SGCZ: variants seen among roughly 807,000 people sequenced by gnomAD.
SGCZ encodes the protein sarcoglycan zeta, also known as zeta-sarcoglycan.
SGCZ carries 40 observed loss-of-function variants against 41.3 expected under a neutral mutation model. The observed-to-expected ratio is 0.97, with a 90% CI of 0.75 to 1.26. SGCZ has a LOEUF of 1.26. Ranked by LOEUF, SGCZ falls within the 50% of genes most tolerant of loss-of-function variation. SGCZ has a pLI of 0.00. For missense variants in SGCZ, 552 were observed against 369.8 expected, an observed-to-expected ratio of 1.49 and a Z score of -4.04; for synonymous variants, 206 against 137.5, an observed-to-expected ratio of 1.50 and a Z score of -3.49.
intron 7 of SGCZ, among the ~76,000 whole-genome samples, chr8:14,093,565 C>T (rs1306199782): frequency 6.6e-6 from 1 of 152,058 alleles, no homozygotes; most frequent in Non-Finnish European, 1.5e-5. Flanking sequence ...AAATACTTTT[C>T]TCCAGAGATT....
intron 1 of SGCZ, among the ~76,000 whole-genome samples, chr8:14,993,900 T>C (rs955287790): frequency 4.6e-5 from 7 of 152,172 alleles, no homozygotes; most frequent in Admixed American, 2.0e-4. Context: ...CATATGACTT[T>C]GCTTAGATTT....
chr8:15,056,460 C>A (rs2131002482), intron 1 of SGCZ, among the ~76,000 whole-genome samples: 1 of 150,502 alleles, frequency 6.6e-6, no homozygotes, highest in South Asian at 2.1e-4. Flanking sequence ...GTAAGTTGAA[C>A]AAAAAACTCA....
intron 1 of SGCZ, among the ~76,000 whole-genome samples, chr8:15,237,055 C>T (rs1190449865): frequency 6.6e-6 from 1 of 152,212 alleles, no homozygotes; most frequent in Non-Finnish European, 1.5e-5. Context: ...GAAAAGGGGT[C>T]TCACGAAGTT....
At chr8:14,223,882 G>A (rs572822379) in intron 4 of SGCZ, among the ~76,000 whole-genome samples, 3 of 152,104 alleles carry the variant, frequency 2.0e-5, no homozygotes, top group Admixed American at 1.3e-4. Context: ...AATAGTGATA[G>A]CAGTTAACAC....
At chr8:14,923,863 G>A (rs576839611) in intron 1 of SGCZ, among the ~76,000 whole-genome samples, 2 of 152,300 alleles carry the variant, frequency 1.3e-5, no homozygotes, top group South Asian at 4.1e-4. Context: ...GGGATCCATT[G>A]AGAACCCCAG....
At chr8:15,133,289 T>C (rs1199932673) in intron 1 of SGCZ, among the ~76,000 whole-genome samples, 1 of 152,206 alleles carries the variant, frequency 6.6e-6, no homozygotes, top group Non-Finnish European at 1.5e-5. Context: ...TTCTTAGAGT[T>C]ATAAATGTAA....
chr8:14,331,541 T>C (rs1343780545), intron 2 of SGCZ, among the ~76,000 whole-genome samples: 5 of 152,130 alleles, frequency 3.3e-5, no homozygotes, highest in Non-Finnish European at 7.4e-5. Context: ...TTCCTGCATA[T>C]TATCAGGAAA....
chr8:14,776,718 C>A (rs187128832), intron 1 of SGCZ, among the ~76,000 whole-genome samples: 81 of 152,076 alleles, frequency 5.3e-4, no homozygotes, highest in African/African-American at 1.8e-3. Flanking sequence ...TGGTCTCCAT[C>A]TCCTGACCTT....
chr8:15,044,618 G>C (rs1339599221), intron 1 of SGCZ, among the ~76,000 whole-genome samples: 1 of 152,120 alleles, frequency 6.6e-6, no homozygotes, highest in African/African-American at 2.4e-5. Flanking sequence ...TCATAATTGT[G>C]TTCAATGAGG....
intron 1 of SGCZ, among the ~76,000 whole-genome samples, chr8:14,741,294 C>T (rs1177169002): frequency 6.6e-6 from 1 of 151,932 alleles, no homozygotes; most frequent in East Asian, 1.9e-4. Flanking sequence ...AAAAATTAAG[C>T]CCATCTTTTA....
chr8:14,691,770 CCAAT>C (rs1397207542), intron 1 of SGCZ, among the ~76,000 whole-genome samples: 1 of 151,722 alleles, frequency 6.6e-6, no homozygotes, highest in African/African-American at 2.4e-5. Context: ...CAATAATGAA[CCAAT>C]CAAAAACTGC....
At chr8:14,121,675 G>A (rs11203578) in intron 5 of SGCZ, among the ~76,000 whole-genome samples, 122,939 of 152,026 alleles carry the variant, frequency 0.81, 50,461 homozygotes, top group South Asian at 0.92. Flanking sequence ...TCACTACACA[G>A]TGTGACAGTA....
rs141207699 is a variant in SGCZ at position 14,501,211 on chromosome 8, T to C, written c.234+53521A>G. Among the ~76,000 whole-genome samples, 146 of 151,956 alleles carry C rather than the reference T, an allele frequency of 9.6e-4. No individual in the cohort carries two copies. In the Middle Eastern group the frequency reaches 0.01, roughly 11 times the overall value. Reference sequence around the variant, plus strand: ...TATCATAGAAACTCACTGACTCTTCTGCTTGCCTCTTCTACCTATTAACAT... The same window carrying C: ...TATCATAGAAACTCACTGACTCTTCCGCTTGCCTCTTCTACCTATTAACAT... On this transcript the variant is annotated intron_variant, in intron 2 of 7. Coordinates refer to ENST00000382080, the MANE Select transcript of SGCZ (RefSeq NM_139167.4).
chr8:14,481,108 G>T (rs890956518), intron 2 of SGCZ, among the ~76,000 whole-genome samples: 1 of 151,920 alleles, frequency 6.6e-6, no homozygotes, highest in African/African-American at 2.4e-5. Flanking sequence ...AATATATAAA[G>T]AATAATACAA....
intron 2 of SGCZ, among the ~76,000 whole-genome samples, chr8:14,425,157 A>C (rs935973845): frequency 2.6e-5 from 4 of 152,178 alleles, no homozygotes; most frequent in African/African-American, 9.7e-5. Flanking sequence ...CAGTGAAGTG[A>C]AGCACTCCAG....
intron 3 of SGCZ, among the ~76,000 whole-genome samples, chr8:14,257,997 C>T (rs757146363): frequency 1.3e-5 from 2 of 152,028 alleles, no homozygotes; most frequent in Admixed American, 6.6e-5. Context: ...AATGAAATGT[C>T]GGGGGAATTT....
chr8:14,769,401 TA>T (rs1422816752), intron 1 of SGCZ, among the ~76,000 whole-genome samples: 2 of 152,010 alleles, frequency 1.3e-5, no homozygotes, highest in Non-Finnish European at 2.9e-5. Context: ...GAACTTTTTT[TA>T]AAAAAGTTCA....
chr8:14,260,261 A>G (rs1799609334), intron 3 of SGCZ, among the ~76,000 whole-genome samples: 1 of 151,984 alleles, frequency 6.6e-6, no homozygotes, highest in Admixed American at 6.6e-5. Flanking sequence ...CAAAAAACAA[A>G]CAACCCCATC....
At chr8:14,732,204 A>T (rs919468574) in intron 1 of SGCZ, among the ~76,000 whole-genome samples, 1 of 152,128 alleles carries the variant, frequency 6.6e-6, no homozygotes, top group Non-Finnish European at 1.5e-5. Flanking sequence ...TTTAAAACAC[A>T]TTCCTTATAA....
Sources: gnomAD v4.1 joint callset for allele counts (sites outside exome capture counted in the v4.1 genomes callset) on GRCh38, gnomAD v4.1.1 for gene constraint, MANE v1.5 for transcripts, NCBI Gene and HGNC (gene_info 2026-07-23, HGNC 2026-07-21) for gene names.